Variants in CNTN5 observed in about 807,000 individuals in gnomAD.
CNTN5 encodes contactin-5.
CNTN5 carries 77 observed loss-of-function variants against 129.1 expected under a neutral mutation model. The observed-to-expected ratio is 0.60, with a 90% CI of 0.50 to 0.72. CNTN5 has a LOEUF of 0.72. CNTN5 is among the 30% of genes least tolerant of loss of function. The pLI, the probability that CNTN5 is intolerant of heterozygous loss-of-function variation, is 0.00. For missense variants in CNTN5, 1,478 were observed against 1,328.8 expected (o/e 1.11, Z -1.75); for synonymous variants, 509 against 465.6 (o/e 1.09, Z -1.20).
intron 18 of CNTN5, among the ~76,000 whole-genome samples, chr11:100,278,744 C>T (rs1009053607): frequency 3.6e-4 from 55 of 151,902 alleles, no homozygotes; most frequent in African/African-American, 1.3e-3. Flanking sequence ...ATTATATCAT[C>T]TGCAAACAAG....
At chr11:99,123,738 G>A (rs1013511122) in intron 1 of CNTN5, among the ~76,000 whole-genome samples, 1 of 151,598 alleles carries the variant, frequency 6.6e-6, no homozygotes, top group Non-Finnish European at 1.5e-5. Flanking sequence ...ACGTAAGGAA[G>A]GGGTCCAATT....
chr11:99,997,874 C>A (rs1252527284), intron 8 of CNTN5, among the ~76,000 whole-genome samples: 1 of 152,088 alleles, frequency 6.6e-6, no homozygotes, highest in Non-Finnish European at 1.5e-5. Context: ...TAAATGTAAT[C>A]CAGCATATAA....
chr11:99,734,773 G>T (rs985634962), intron 3 of CNTN5, among the ~76,000 whole-genome samples: 1 of 151,414 alleles, frequency 6.6e-6, no homozygotes, highest in Non-Finnish European at 1.5e-5. Context: ...CCAGTTGCTG[G>T]GTCCGGGGAA....
intron 1 of CNTN5, among the ~76,000 whole-genome samples, chr11:99,307,325 G>A (rs543701665): frequency 2.0e-5 from 3 of 151,578 alleles, no homozygotes; most frequent in South Asian, 4.2e-4. Flanking sequence ...CTTTCTATTC[G>A]TTGGTAACAA....
Position 99,711,688 on chromosome 11 carries a change from A to G in CNTN5, c.56-107856A>G, listed in dbSNP as rs549037215. Among the ~76,000 whole-genome samples the G allele has an allele frequency of 5.3e-5, 8 of 151,818 alleles. No individual in the cohort carries two copies. The East Asian group carries it at 1.4e-3, about 26-fold the overall frequency. ...GATGTCCCCTTCCCTGTGTCCATGT[A>G]TTCTCACTGTTAAACTCCCACTTAT... On this transcript the variant is annotated intron_variant, in intron 3 of 24. Coordinates refer to ENST00000524871, the MANE Select transcript of CNTN5 (RefSeq NM_014361.4).
chr11:99,799,328 G>T (rs1277262399), intron 3 of CNTN5, among the ~76,000 whole-genome samples: 2 of 151,582 alleles, frequency 1.3e-5, no homozygotes, highest in South Asian at 4.2e-4. Context: ...TTTTATCTCA[G>T]TTCTCAAGGG....
chr11:100,170,892 AAC>A (rs1947804713), intron 13 of CNTN5, among the ~76,000 whole-genome samples: 1 of 81,540 alleles, frequency 1.2e-5, no homozygotes, highest in Non-Finnish European at 2.2e-5. Context: ...CTGAAACAAA[AAC>A]AAAAAAAAAA....
intron 6 of CNTN5, among the ~76,000 whole-genome samples, chr11:99,866,551 A>C (rs750544279): frequency 6.6e-6 from 1 of 152,164 alleles, no homozygotes; most frequent in Non-Finnish European, 1.5e-5. Flanking sequence ...TCTGCTATGC[A>C]TGGTAGATTT....
intron 7 of CNTN5, among the ~76,000 whole-genome samples, chr11:99,934,898 G>GTGTATATA (rs1565693917): frequency 1.5e-5 from 1 of 67,956 alleles, no homozygotes; most frequent in African/African-American, 1.0e-4. Context: ...GTGTGTGTGT[G>GTGTATATA]TATATATATA....
Position 99,129,632 on chromosome 11 carries a change from G to A in CNTN5, c.-210+108362G>A, listed in dbSNP as rs369374111. ...AGAGAAACCCAGTAAGATATTCCAC[G>A]AGAAGATCTACTGCAAGACACATAA... On this transcript the variant is annotated intron_variant, in intron 1 of 24. Transcript: ENST00000524871. 1.4e-4 allele frequency among the ~76,000 whole-genome samples: 21 copies of A among 152,120 alleles called. No homozygotes were observed. In the East Asian group the frequency reaches 1.7e-3, roughly 13 times the overall value.
At chr11:99,490,988 G>T (rs1178405208) in intron 2 of CNTN5, among the ~76,000 whole-genome samples, 1 of 151,876 alleles carries the variant, frequency 6.6e-6, no homozygotes, top group Admixed American at 6.6e-5. Flanking sequence ...TACTGGTAAG[G>T]CCTGGGAGAG....
chr11:100,350,854 G>A lies in CNTN5; in HGVS notation c.3183G>A (p.Arg1061=). Residue 1061 remains arginine, a synonymous_variant, in exon 24 of 25, where the codon AGG becomes AGA. Coordinates refer to ENST00000524871, the MANE Select transcript of CNTN5 (RefSeq NM_014361.4). ...GGDGTASSQI[R]VPSYSGGKIT... Reference sequence around the variant, plus strand: ...ATGGAACAGCTAGTTCTCAAATTAGGGTACCATCATATTCAGGTAAGTTTT... The same window carrying A: ...ATGGAACAGCTAGTTCTCAAATTAGAGTACCATCATATTCAGGTAAGTTTT... 1.3e-6 allele frequency: 2 copies of A among 1,581,938 alleles called. No individual in the cohort carries two copies. Among genetic ancestry groups the A allele is most frequent in the Non-Finnish European group, 1.7e-6 (2 of 1,161,730 alleles).
At chr11:99,043,434 T>TA (rs574214447) in intron 1 of CNTN5, among the ~76,000 whole-genome samples, 130 of 150,532 alleles carry the variant, frequency 8.6e-4, no homozygotes, top group African/African-American at 1.8e-3. Flanking sequence ...TAAAGTATAA[T>TA]AAAAAAAAAG....
chr11:99,719,805 G>C (rs1326989058), intron 3 of CNTN5, among the ~76,000 whole-genome samples: 1 of 151,928 alleles, frequency 6.6e-6, no homozygotes, highest in African/African-American at 2.4e-5. Context: ...AAAGAAAAGA[G>C]AGACTATCTA....
intron 9 of CNTN5, among the ~76,000 whole-genome samples, chr11:100,055,511 C>A (rs1430227407): frequency 6.6e-6 from 1 of 151,404 alleles, no homozygotes; most frequent in African/African-American, 2.4e-5. Context: ...GATTTGATAT[C>A]TTTATCTCCT....
rs562591438 is a variant in CNTN5 at position 100,178,569 on chromosome 11, G to T, written c.1581-12557G>T. Among the ~76,000 whole-genome samples the T allele has an allele frequency of 1.8e-4, 28 of 151,480 alleles. 1 individual carries two copies. Among genetic ancestry groups the T allele is most frequent in the Admixed American group, 3.9e-4 (6 of 15,240 alleles). ...CCTTAAAACTTCCTTCATCTCTTCT[G>T]CCATTATGGCATAGCACAAGATATA... On this transcript the variant is annotated intron_variant, in intron 13 of 24. Transcript: ENST00000524871.
At chr11:99,547,342 G>C (rs983348542) in intron 2 of CNTN5, among the ~76,000 whole-genome samples, 4 of 152,170 alleles carry the variant, frequency 2.6e-5, no homozygotes, top group Non-Finnish European at 4.4e-5. Flanking sequence ...AATGTTTGAA[G>C]TGGAGCAGTG....
chr11:100,232,693 A>G (rs1949515436), intron 16 of CNTN5, among the ~76,000 whole-genome samples: 1 of 152,204 alleles, frequency 6.6e-6, no homozygotes, highest in African/African-American at 2.4e-5. Context: ...TATAGAGCAC[A>G]TAGTATGTGG....
At chr11:99,336,469 G>A (rs1866230587) in intron 2 of CNTN5, among the ~76,000 whole-genome samples, 1 of 152,082 alleles carries the variant, frequency 6.6e-6, no homozygotes, top group South Asian at 2.1e-4. Flanking sequence ...CTGTAAAATA[G>A]AAATATTATT....
Sources: gnomAD v4.1 joint callset for allele counts (sites outside exome capture counted in the v4.1 genomes callset) on GRCh38, gnomAD v4.1.1 for gene constraint, MANE v1.5 for transcripts, NCBI Gene and HGNC (gene_info 2026-07-23, HGNC 2026-07-21) for gene names.